The following TRIM69 variants were observed in gnomAD, a reference collection of about 807,000 sequenced individuals.
TRIM69 encodes the protein tripartite motif containing 69, also known as E3 ubiquitin-protein ligase TRIM69.
A neutral mutation model predicts 37.7 loss-of-function variants in TRIM69; 29 were observed. The ratio of observed to expected loss-of-function variants is 0.77; its 90% CI spans 0.57 to 1.05. The LOEUF is 1.05. Among genes scored for constraint, TRIM69 ranks in the 50% least tolerant of loss-of-function variants. The pLI is 0.00. For synonymous variants in TRIM69, 209 were observed against 212.4 expected (o/e 0.98, Z 0.14); for missense variants, 596 against 579.9 (o/e 1.03, Z -0.28).
intron 1 of TRIM69, among the ~76,000 whole-genome samples, chr15:44,751,201 C>T (rs1338756274): frequency 6.7e-6 from 1 of 150,246 alleles, no homozygotes; most frequent in Non-Finnish European, 1.5e-5. Context: ...CTGCAACCTC[C>T]CCCTCCCAGG....
chr15:44,745,485 T>G (rs1231720486), intron 1 of TRIM69, among the ~76,000 whole-genome samples: 5 of 152,120 alleles, frequency 3.3e-5, no homozygotes, highest in Admixed American at 3.3e-4. Context: ...GTATCGGATA[T>G]TCAACAAGTA....
intron 6 of TRIM69, among the ~76,000 whole-genome samples, chr15:44,761,971 A>C (rs914783153): frequency 6.6e-6 from 1 of 151,406 alleles, no homozygotes; most frequent in Admixed American, 6.6e-5. Flanking sequence ...ATTTATTTTT[A>C]TTTATTTATT....
At chr15:44,760,607 G>A (rs2087753859) in intron 6 of TRIM69, among the ~76,000 whole-genome samples, 1 of 152,020 alleles carries the variant, frequency 6.6e-6, no homozygotes, top group South Asian at 2.1e-4. Context: ...AATTGACATT[G>A]AAGAAAAATC....
chr15:44,758,408 G>A (rs1329723328), intron 3 of TRIM69: 2 of 694,466 alleles, frequency 2.9e-6, no homozygotes, highest in South Asian at 2.0e-5. Context: ...GGTCACTTTT[G>A]CCTATTTCAT....
intron 1 of TRIM69, among the ~76,000 whole-genome samples, chr15:44,748,236 G>A (rs957271684): frequency 1.1e-4 from 17 of 152,298 alleles, no homozygotes; most frequent in African/African-American, 3.8e-4. Flanking sequence ...AAGTTGAAAA[G>A]TAGAAGCTAG....
chr15:44,756,565 C>A (rs2087653669), intron 3 of TRIM69, 102 bp downstream of exon 3: 2 of 710,796 alleles, frequency 2.8e-6, no homozygotes. Flanking sequence ...TATCTACACA[C>A]TAAATGGTAC....
At chr15:44,750,715 CTTTTTTTTTTTTT>C (rs869059418) in intron 1 of TRIM69, among the ~76,000 whole-genome samples, 1 of 102,842 alleles carries the variant, frequency 9.7e-6, no homozygotes, top group African/African-American at 3.9e-5. Context: ...ATTACTTTTT[CTTTTTTTTTTTTT>C]TTTTTTTTTT....
At chr15:44,741,073 T>G (rs1431854005) in intron 1 of TRIM69, among the ~76,000 whole-genome samples, 48 of 144,314 alleles carry the variant, frequency 3.3e-4, no homozygotes, top group South Asian at 1.1e-3. Flanking sequence ...GAAGTAAAGC[T>G]CTCCTCAGCA....
chr15:44,767,215 TTTA>T lies in TRIM69; in HGVS notation c.962-13_962-11del. The T allele has an allele frequency of 6.2e-7, 1 of 1,600,040 alleles. No homozygotes were observed. The highest frequency in any genetic ancestry group is 8.5e-7 in the Non-Finnish European group (1 of 1,173,372). ...CCCTTTCTCCCATGCTCTGCTTTCT[TTTA>T]TTTTCTTACTAGGCCTGTCTCCACT... is the stretch of plus-strand genomic sequence containing the variant. On this transcript the variant is annotated splice_polypyrimidine_tract_variant and intron_variant, in intron 6 of 6. Transcript: ENST00000329464.
rs145191382 is a variant in TRIM69 at position 44,755,265 on chromosome 15, G to A, written c.372G>A (p.Leu124=). The A allele has an allele frequency of 6.2e-6, 10 of 1,614,206 alleles. No individual in the cohort carries two copies. Among genetic ancestry groups the A allele is most frequent in the South Asian group, 4.4e-5 (4 of 91,082 alleles). Residue 124 remains leucine (L), a synonymous_variant, in exon 2 of 7, where the codon CTG becomes CTA. Coordinates refer to ENST00000329464, the MANE Select transcript of TRIM69 (RefSeq NM_182985.5). ...CAGAGCATGGAGAGAACCTGAAACT[G>A]TTCAGTAAACCAGATGGGAAACTGA... is the stretch of plus-strand genomic sequence containing the variant. ...QCPEHGENLK[L]FSKPDGKLIC... is the part of the protein sequence containing the mutation.
intron 6 of TRIM69, among the ~76,000 whole-genome samples, chr15:44,767,006 C>T (rs1395793453): frequency 7.7e-6 from 1 of 130,366 alleles, no homozygotes; most frequent in Non-Finnish European, 1.5e-5. Context: ...TTGCAGTGAG[C>T]CGAGATCGCA....
At chr15:44,763,284 T>C (rs552151917) in intron 6 of TRIM69, among the ~76,000 whole-genome samples, 1 of 152,358 alleles carries the variant, frequency 6.6e-6, no homozygotes, top group East Asian at 1.9e-4. Context: ...TGCTGCACTA[T>C]TGCAATTTGT....
chr15:44,764,062 ACAGCCTTG>A (rs2087837841), intron 6 of TRIM69, among the ~76,000 whole-genome samples: 1 of 152,190 alleles, frequency 6.6e-6, no homozygotes, highest in African/African-American at 2.4e-5. Context: ...GTACTCAGCC[ACAGCCTTG>A]AGAGAATCCC....
chr15:44,743,565 T>C (rs2087338945), intron 1 of TRIM69, among the ~76,000 whole-genome samples: 1 of 152,146 alleles, frequency 6.6e-6, no homozygotes, highest in Non-Finnish European at 1.5e-5. Flanking sequence ...AACCTACTCA[T>C]CTGACAAAGG....
chr15:44,736,967 T>C (rs1413392418), intron 1 of TRIM69, among the ~76,000 whole-genome samples: 1 of 152,180 alleles, frequency 6.6e-6, no homozygotes, highest in African/African-American at 2.4e-5. Context: ...CTATATACAA[T>C]TTACTTTCAT....
At chr15:44,767,053 CAAAAAAA>C (rs55736812) in intron 6 of TRIM69, among the ~76,000 whole-genome samples, 171 bp from the exon 7 acceptor site, 14 of 24,316 alleles carry the variant, frequency 5.8e-4, no homozygotes, top group East Asian at 3.8e-3. Context: ...TTGTCTGCCT[CAAAAAAA>C]AAAAAAAAAA....
chr15:44,739,680 G>T (rs2087239294), intron 1 of TRIM69, among the ~76,000 whole-genome samples: 1 of 152,144 alleles, frequency 6.6e-6, no homozygotes, highest in African/African-American at 2.4e-5. Context: ...CTGTGGGAGG[G>T]GCGCCCACCA....
intron 6 of TRIM69, among the ~76,000 whole-genome samples, chr15:44,763,398 A>G (rs955222835): frequency 7.9e-5 from 12 of 152,218 alleles, no homozygotes; most frequent in Admixed American, 3.3e-4. Flanking sequence ...TACCGTCAAC[A>G]TGATTTATGA....
At chr15:44,759,944 G>A (rs541586362) in intron 6 of TRIM69, 72 bp downstream of exon 6, 2 of 1,539,756 alleles carry the variant, frequency 1.3e-6, no homozygotes, top group Admixed American at 3.8e-5. Flanking sequence ...TTCTTCTGTG[G>A]CCCTAATTAA....
Sources: gnomAD v4.1 joint callset for allele counts (sites outside exome capture counted in the v4.1 genomes callset) on GRCh38, gnomAD v4.1.1 for gene constraint, MANE v1.5 for transcripts, NCBI Gene and HGNC (gene_info 2026-07-23, HGNC 2026-07-21) for gene names.